PRKCE: variants seen among roughly 807,000 people sequenced by gnomAD.
PRKCE encodes the protein protein kinase C epsilon type.
Under a neutral mutation model 85.4 loss-of-function variants are expected in PRKCE, and 16 were observed. The ratio of observed to expected loss-of-function variants is 0.19; its 90% CI spans 0.13 to 0.28. The LOEUF (loss-of-function observed/expected upper bound fraction) is 0.28. Ranked by LOEUF, PRKCE falls within the 10% of genes least tolerant of loss-of-function variation. PRKCE has a pLI of 1.00. For synonymous variants in PRKCE, 388 were observed against 371.5 expected, an observed-to-expected ratio of 1.04 and a Z score of -0.51; for missense variants, 573 against 975.2, an observed-to-expected ratio of 0.59 and a Z score of 5.49.
chr2:46,172,648 A>T (rs1225338099), intron 14 of PRKCE, among the ~76,000 whole-genome samples: 1 of 152,200 alleles, frequency 6.6e-6, no homozygotes, highest in African/African-American at 2.4e-5. Context: ...CACTTAGAAG[A>T]CACCTCTGGA....
chr2:46,161,971 T>C (rs1345342094), intron 14 of PRKCE, among the ~76,000 whole-genome samples: 1 of 152,024 alleles, frequency 6.6e-6, no homozygotes, highest in Admixed American at 6.5e-5. Flanking sequence ...GGTGTGGGTC[T>C]GAGGGATGGG....
intron 1 of PRKCE, among the ~76,000 whole-genome samples, chr2:45,752,826 C>T (rs1018183465): frequency 3.3e-5 from 5 of 152,196 alleles, no homozygotes; most frequent in African/African-American, 7.2e-5. Flanking sequence ...CAGAGTACTC[C>T]GTGGGGTTTG....
At chr2:46,098,930 G>A (rs1359029681) in intron 11 of PRKCE, among the ~76,000 whole-genome samples, 2 of 152,066 alleles carry the variant, frequency 1.3e-5, no homozygotes, top group African/African-American at 4.8e-5. Context: ...CTGGAGGTGG[G>A]GTGAGGAGGA....
intron 1 of PRKCE, among the ~76,000 whole-genome samples, chr2:45,708,226 A>G (rs143766519): frequency 3.3e-5 from 5 of 152,312 alleles, no homozygotes; most frequent in African/African-American, 9.6e-5. Context: ...ATCAAGTGCC[A>G]CAGAACAAAG....
In PRKCE at chr2:45,905,331, C is replaced by T. The variant is rs530127497; in HGVS notation, c.412+62268C>T. On this transcript the variant is annotated intron_variant, in intron 2 of 14. Coordinates refer to ENST00000306156, the MANE Select transcript of PRKCE (RefSeq NM_005400.3). The surrounding 1 kb of genome is among the most constrained non-coding windows in gnomAD (Gnocchi z 4.4). ...AAAGTAACTCAGAGGTCAAGGTGAACCCTGAATGAGTCCATTAGATTCCAC... is the reference window on the plus strand; with the variant it reads ...AAAGTAACTCAGAGGTCAAGGTGAATCCTGAATGAGTCCATTAGATTCCAC... 4.6e-5 allele frequency among the ~76,000 whole-genome samples: 7 copies of T among 152,292 alleles called. 2 individuals carry two copies. The South Asian group carries it at 1.5e-3, about 32-fold the overall frequency.
chr2:46,064,226 G>C (rs1667409236), intron 10 of PRKCE, among the ~76,000 whole-genome samples: 1 of 145,030 alleles, frequency 6.9e-6, no homozygotes, highest in South Asian at 2.2e-4. Flanking sequence ...AGGTTGAAGT[G>C]AGCCAAGATC....
chr2:45,722,826 C>T (rs557453149), intron 1 of PRKCE, among the ~76,000 whole-genome samples: 15 of 152,288 alleles, frequency 9.8e-5, no homozygotes, highest in African/African-American at 2.2e-4. Flanking sequence ...CAGGGCTGGG[C>T]GTGGTGGCTC....
intron 1 of PRKCE, among the ~76,000 whole-genome samples, chr2:45,655,871 AGGT>A (rs1675356782): frequency 2.3e-5 from 3 of 130,096 alleles, no homozygotes; most frequent in African/African-American, 3.0e-5. Context: ...AAAAAAAAAA[AGGT>A]AGGGAGAACT....
chr2:46,168,825 G>A (rs565453445), intron 14 of PRKCE, among the ~76,000 whole-genome samples: 62 of 152,292 alleles, frequency 4.1e-4, no homozygotes, highest in African/African-American at 1.4e-3. Flanking sequence ...TGGGTCCTGA[G>A]AGCCTATGTC....
At chr2:46,000,755 A>C (rs1401688552) in intron 6 of PRKCE, 2 of 152,158 alleles carry the variant, frequency 1.3e-5, no homozygotes, top group Admixed American at 6.5e-5. Context: ...TTTGTTGGTT[A>C]CAGTTACAGT....
At chr2:46,049,095 C>T (rs984872721) in intron 10 of PRKCE, among the ~76,000 whole-genome samples, 1 of 152,154 alleles carries the variant, frequency 6.6e-6, no homozygotes, top group African/African-American at 2.4e-5. Context: ...CCTTCATAGT[C>T]AGAATTGAAA....
At chr2:46,084,020 C>G (rs902224109) in intron 10 of PRKCE, among the ~76,000 whole-genome samples, 1 of 152,168 alleles carries the variant, frequency 6.6e-6, no homozygotes, top group African/African-American at 2.4e-5. Flanking sequence ...TTCCAGTGGT[C>G]TGGGGTTGGC....
chr2:45,995,834 T>G lies in PRKCE; in HGVS notation c.824-5570T>G, dbSNP rs533509112. Among the ~76,000 whole-genome samples the G allele has an allele frequency of 3.9e-5, 6 of 152,296 alleles. No individual in the cohort carries two copies. The South Asian group carries it at 1.2e-3, about 32-fold the overall frequency. ...TTCAATATTGTGTTAGCCTTTTGCT[T>G]GGGTCTTTTGCCTGGGTCTTTTGCC... On this transcript the variant is annotated intron_variant, in intron 6 of 14. Transcript: ENST00000306156.
intron 1 of PRKCE, among the ~76,000 whole-genome samples, chr2:45,813,654 A>C (rs4953262): frequency 1.3e-5 from 2 of 151,964 alleles, no homozygotes; most frequent in Non-Finnish European, 2.9e-5. Flanking sequence ...AGCCACTTCC[A>C]GCATACAGGA....
At chr2:45,875,020 TAGATATACACATACCCAC>T (rs1460816465) in intron 2 of PRKCE, among the ~76,000 whole-genome samples, 1 of 152,048 alleles carries the variant, frequency 6.6e-6, no homozygotes, top group Non-Finnish European at 1.5e-5. Context: ...TGTGTATGTG[TAGATATACACATACCCAC>T]ATTACACACA....
At chr2:45,941,471 C>G (rs1333279460) in intron 2 of PRKCE, among the ~76,000 whole-genome samples, 3 of 152,210 alleles carry the variant, frequency 2.0e-5, no homozygotes, top group African/African-American at 7.2e-5. Flanking sequence ...AGACCTACAT[C>G]AAACCAGGCA....
At chr2:45,936,481 G>T (rs1160067809) in intron 2 of PRKCE, among the ~76,000 whole-genome samples, 1 of 152,186 alleles carries the variant, frequency 6.6e-6, no homozygotes, top group East Asian at 1.9e-4. Flanking sequence ...TAGCGCCTCT[G>T]CCCTCACTGT....
At chr2:46,049,079 C>T (rs1026240308) in intron 10 of PRKCE, among the ~76,000 whole-genome samples, 2 of 152,160 alleles carry the variant, frequency 1.3e-5, no homozygotes, top group African/African-American at 4.8e-5. Context: ...CCCGTGATGT[C>T]TCTTACCTTC....
chr2:45,970,856 A>G (rs1456184066), intron 2 of PRKCE, among the ~76,000 whole-genome samples: 1 of 149,830 alleles, frequency 6.7e-6, no homozygotes, highest in African/African-American at 2.4e-5. Flanking sequence ...TATATCATAC[A>G]TATTATATAT....
Sources: gnomAD v4.1 joint callset for allele counts (sites outside exome capture counted in the v4.1 genomes callset) on GRCh38, gnomAD v4.1.1 for gene constraint, Gnocchi (gnomAD v3.1) non-coding constraint, MANE v1.5 for transcripts, NCBI Gene and HGNC (gene_info 2026-07-23, HGNC 2026-07-21) for gene names.